Variants in SPAG8 observed in about 807,000 individuals in gnomAD.
SPAG8 encodes sperm-associated antigen 8.
A neutral mutation model predicts 45.3 loss-of-function variants in SPAG8; 36 were observed. The observed-to-expected ratio is 0.80, with a 90% CI of 0.61 to 1.05. The LOEUF (loss-of-function observed/expected upper bound fraction) is 1.05. SPAG8 is among the 50% of genes least tolerant of loss of function. The pLI, the probability that SPAG8 is intolerant of heterozygous loss-of-function variation, is 0.00. For synonymous variants in SPAG8, 227 were observed against 232.6 expected (o/e 0.98, Z 0.22); for missense variants, 573 against 609.2 (o/e 0.94, Z 0.63).
rs1828738239 is a variant in SPAG8 at position 35,810,670 on chromosome 9, G to C, written c.1052C>G (p.Ala351Gly). 2 of 1,613,918 alleles carry C rather than the reference G, an allele frequency of 1.2e-6. No individual in the cohort carries two copies. ...VYWPLRGKRE[A>G]MLEMLLQHQI... ...ATGCTGCAGGAGCATCTCCAGCATG[G>C]CTTCACGCTTCCCTGTGAGAGAGTT... Residue 351 changes from alanine (A) to glycine (G), a missense_variant, in exon 4 of 7, where the codon GCC becomes GGC. By Grantham distance (60) the Ala-to-Gly change is moderately conservative. Coordinates refer to ENST00000396638, the MANE Select transcript of SPAG8 (RefSeq NM_001039592.2).
downstream of SPAG8, chr9:35,808,461 C>T (rs949310639): frequency 6.3e-7 from 1 of 1,589,698 alleles, no homozygotes; most frequent in African/African-American, 1.3e-5. This position sits in a 1 kb window ranked among gnomAD's most constrained non-coding sequence, Gnocchi z 4.0. Flanking sequence ...TTTTTCCCAT[C>T]CCCATGGATA....
Position 35,811,318 on chromosome 9 carries a change from G to C in SPAG8, c.728C>G (p.Pro243Arg), listed in dbSNP as rs1389439527. 1 of 1,614,168 alleles carries C rather than the reference G, an allele frequency of 6.2e-7. No homozygotes were observed. Among genetic ancestry groups the C allele is most frequent in the East Asian group, 2.2e-5 (1 of 44,884 alleles). The change falls in exon 2 of 7, where the codon CCA becomes CGA. Residue 243 changes from proline to arginine, a missense_variant. Coordinates refer to ENST00000396638, the MANE Select transcript of SPAG8 (RefSeq NM_001039592.2). ...QHCPWEPQKQ[P>R]PWEFLQVLEP... is the part of the protein sequence containing the mutation. ...TAAGACTTGCAAAAATTCCCAAGGT[G>C]GTTGTTTCTGGGGCTCCCAGGGGCA...
rs762400058 is a variant in SPAG8 at position 35,812,106 on chromosome 9, C to A, written c.42G>T (p.Ser14=). 1.9e-5 allele frequency: 31 copies of A among 1,594,428 alleles called. No individual in the cohort carries two copies. Among genetic ancestry groups the A allele is most frequent in the Non-Finnish European group, 2.6e-5 (31 of 1,177,634 alleles). Residue 14 remains serine (S), a splice_region_variant and synonymous_variant, in exon 1 of 7, where the codon TCG becomes TCT. Coordinates refer to ENST00000396638, the MANE Select transcript of SPAG8 (RefSeq NM_001039592.2). ...NESTEGSRSR[S]RSLDIQPSSE... is the part of the protein sequence containing the mutation. ...GCAGCCAGAGCTGCGGCTCTCACCG[C>A]GACCGCGACCGCGATCCCTCCGTAG...
chr9:35,809,861 A>C lies in SPAG8; in HGVS notation c.*77T>G. 6.5e-7 allele frequency: 1 copy of C among 1,534,012 alleles called. No individual in the cohort carries two copies. The highest frequency in any genetic ancestry group is 8.7e-7 in the Non-Finnish European group (1 of 1,146,812). On this transcript the variant is annotated 3_prime_UTR_variant, in exon 7 of 7. Transcript: ENST00000396638. This position sits in a 1 kb window ranked among gnomAD's most constrained non-coding sequence, Gnocchi z 4.1. Reference sequence around the variant, plus strand: ...GTAAAGCCTCTTCAAGTACAGTGAGAATTAACTTCCTCCCGACCTCTCTAG... The same window carrying C: ...GTAAAGCCTCTTCAAGTACAGTGAGCATTAACTTCCTCCCGACCTCTCTAG...
At chr9:35,808,963 C>A, downstream of SPAG8, 1 of 942,690 alleles carries the variant, frequency 1.1e-6, no homozygotes, top group South Asian at 1.3e-5. The surrounding 1 kb of genome is among the most constrained non-coding windows in gnomAD (Gnocchi z 4.0). Flanking sequence ...TCCTTAGTGT[C>A]GCATCCTCGG....
At chr9:35,808,816 A>G, downstream of SPAG8, 1 of 1,612,080 alleles carries the variant, frequency 6.2e-7, no homozygotes, top group Non-Finnish European at 8.5e-7. This position sits in a 1 kb window ranked among gnomAD's most constrained non-coding sequence, Gnocchi z 4.0. Context: ...TTGGAGACAC[A>G]GTGAACACTG....
Position 35,811,164 on chromosome 9 carries a change from A to C in SPAG8, c.864+18T>G, listed in dbSNP as rs779275465. 122 of 1,555,444 alleles carry C rather than the reference A, an allele frequency of 7.8e-5. No homozygotes were observed. Among genetic ancestry groups the C allele is most frequent in the Non-Finnish European group, 9.5e-5 (110 of 1,152,546 alleles). On this transcript the variant is annotated intron_variant, in intron 2 of 6. Coordinates refer to ENST00000396638, the MANE Select transcript of SPAG8 (RefSeq NM_001039592.2). ...AGGGCAGCCTTCAAGAAAAGGGAGC[A>C]GGCCAAAACTTTAATACCTCTTCCT...
At chr9:35,808,823 A>T (rs1292691259), downstream of SPAG8, 1 of 1,611,622 alleles carries the variant, frequency 6.2e-7, no homozygotes, top group African/African-American at 1.3e-5. This position sits in a 1 kb window ranked among gnomAD's most constrained non-coding sequence, Gnocchi z 4.0. Context: ...CACAGTGAAC[A>T]CTGCTTCTCG....
downstream of SPAG8, chr9:35,808,527 G>A (rs757655301): frequency 2.5e-5 from 41 of 1,613,958 alleles, no homozygotes; most frequent in Non-Finnish European, 3.3e-5. This position sits in a 1 kb window ranked among gnomAD's most constrained non-coding sequence, Gnocchi z 4.0. Flanking sequence ...GATTGGGGAT[G>A]CTTACATGGT....
In SPAG8 at chr9:35,811,271, A is replaced by G; in HGVS notation, c.775T>C (p.Trp259Arg). ...QVLEPGARGL[W>R]KPPDIKGKLM... ...TTCCCTTTAATGTCTGGGGGTTTCCATAGTCCTCGGGCACCCGGTTCTAAG... is the reference window on the plus strand; with the variant it reads ...TTCCCTTTAATGTCTGGGGGTTTCCGTAGTCCTCGGGCACCCGGTTCTAAG... Residue 259 changes from tryptophan to arginine, a missense_variant, in exon 2 of 7, where the codon TGG (tryptophan) becomes CGG (arginine). Physicochemically the swap from Trp to Arg is moderately radical, Grantham distance 101. Transcript: ENST00000396638. 6.2e-7 allele frequency: 1 copy of G among 1,613,576 alleles called. No individual in the cohort carries two copies. Among genetic ancestry groups the G allele is most frequent in the Non-Finnish European group, 8.5e-7 (1 of 1,179,608 alleles).
chr9:35,809,488 C>A (rs776626025), downstream of SPAG8: 94 of 1,614,000 alleles, frequency 5.8e-5, no homozygotes, highest in Non-Finnish European at 7.7e-5. This position sits in a 1 kb window ranked among gnomAD's most constrained non-coding sequence, Gnocchi z 4.1. Context: ...GCTGCTGGTA[C>A]CTGGGTGGGC....
At position 35,810,634 on chromosome 9, in the gene SPAG8, T is replaced by C. The variant is rs1828736950; in HGVS notation, c.1085+3A>G. The C allele has an allele frequency of 6.2e-7, 1 of 1,613,808 alleles. No individual in the cohort carries two copies. The highest frequency in any genetic ancestry group is 1.1e-5 in the South Asian group (1 of 91,076). The stretch of plus-strand genomic sequence containing the variant: ...CCCTCTTCCCCTTTACCCAATCCCT[T>C]ACCAGATCTGATGCTGCAGGAGCAT... On this transcript the variant is annotated splice_donor_region_variant and intron_variant, in intron 4 of 6. Coordinates refer to ENST00000396638, the MANE Select transcript of SPAG8 (RefSeq NM_001039592.2).
chr9:35,812,122 C>T lies in SPAG8; in HGVS notation c.26G>A (p.Gly9Glu). METNESTE[G>E]SRSRSRSLDI... The stretch of plus-strand genomic sequence containing the variant: ...CTCTCACCGCGACCGCGACCGCGAT[C>T]CCTCCGTAGACTCGTTGGTCTCCAT... The change falls in exon 1 of 7, where the codon GGA becomes GAA. Residue 9 changes from glycine (G) to glutamate (E), a missense_variant. Physicochemically the swap from Gly to Glu is moderately conservative, Grantham distance 98 (BLOSUM62 -2). Coordinates refer to ENST00000396638, the MANE Select transcript of SPAG8 (RefSeq NM_001039592.2). 1 of 1,608,860 alleles carries T rather than the reference C, an allele frequency of 6.2e-7. No individual in the cohort carries two copies. The highest frequency in any genetic ancestry group is 1.1e-5 in the South Asian group (1 of 91,086).
downstream of SPAG8, chr9:35,808,727 G>A (rs1828571001): frequency 6.2e-7 from 1 of 1,612,616 alleles, no homozygotes; most frequent in African/African-American, 1.3e-5. The surrounding 1 kb of genome is among the most constrained non-coding windows in gnomAD (Gnocchi z 4.0). Flanking sequence ...ACCTTTCCCA[G>A]ACTCTCCCAA....
Position 35,811,244 on chromosome 9 carries a change from G to C in SPAG8, c.802C>G (p.Leu268Val). The part of the protein sequence containing the change: ...LWKPPDIKGK[L>V]MVCYETLPRG... ...GGCAAAGTTTCATAGCAAACCATAA[G>C]CTTCCCTTTAATGTCTGGGGGTTTC... The change falls in exon 2 of 7, where the codon CTT (leucine) becomes GTT (valine). Residue 268 changes from leucine to valine, a missense_variant. Leu to Val is a conservative substitution (Grantham distance 32). Coordinates refer to ENST00000396638, the MANE Select transcript of SPAG8 (RefSeq NM_001039592.2). The C allele has an allele frequency of 6.2e-7, 1 of 1,606,266 alleles. No homozygotes were observed. Among genetic ancestry groups the C allele is most frequent in the Middle Eastern group, 1.7e-4 (1 of 6,026 alleles).
At chr9:35,809,518 C>T (rs572542145), downstream of SPAG8, 6 of 1,610,908 alleles carry the variant, frequency 3.7e-6, no homozygotes, top group African/African-American at 5.3e-5. The surrounding 1 kb of genome is among the most constrained non-coding windows in gnomAD (Gnocchi z 4.1). Context: ...CATGTCTGCA[C>T]ACACCAGAAA....
chr9:35,811,165 G>A lies in SPAG8; in HGVS notation c.864+17C>T. 1.3e-6 allele frequency: 2 copies of A among 1,557,758 alleles called. No homozygotes were observed. Among genetic ancestry groups the A allele is most frequent in the Non-Finnish European group, 1.7e-6 (2 of 1,153,570 alleles). ...GGGCAGCCTTCAAGAAAAGGGAGCA[G>A]GCCAAAACTTTAATACCTCTTCCTC... On this transcript the variant is annotated intron_variant, in intron 2 of 6. Coordinates refer to ENST00000396638, the MANE Select transcript of SPAG8 (RefSeq NM_001039592.2).
downstream of SPAG8, chr9:35,808,259 C>T: frequency 6.2e-7 from 1 of 1,614,230 alleles, no homozygotes; most frequent in Non-Finnish European, 8.5e-7. This position sits in a 1 kb window ranked among gnomAD's most constrained non-coding sequence, Gnocchi z 4.0. Context: ...CTGCTGCAGA[C>T]AGGGTGTTCA....
downstream of SPAG8, chr9:35,809,284 G>A (rs1195211905): frequency 6.2e-7 from 1 of 1,610,846 alleles, no homozygotes; most frequent in South Asian, 1.1e-5. This position sits in a 1 kb window ranked among gnomAD's most constrained non-coding sequence, Gnocchi z 4.1. Context: ...CATGGAAAGG[G>A]AGGGTGAAAG....
Sources: allele counts gnomAD v4.1 joint callset, GRCh38; gene constraint gnomAD v4.1.1; non-coding constraint Gnocchi (gnomAD v3.1); transcripts MANE v1.5; gene names NCBI Gene and HGNC (gene_info 2026-07-23, HGNC 2026-07-21).